The following NPAS3 variants were observed in gnomAD, a reference collection of about 807,000 sequenced individuals.
The protein encoded by NPAS3 is neuronal PAS domain protein 3.
A neutral mutation model predicts 73.1 loss-of-function variants in NPAS3; 14 were observed. That is an observed-to-expected ratio of 0.19 (90% CI 0.13 to 0.30). The LOEUF is 0.30. NPAS3 is among the 10% of genes least tolerant of loss of function. NPAS3 has a pLI of 1.00. For synonymous variants in NPAS3, 620 were observed against 541.5 expected (o/e 1.14, Z -2.01); for missense variants, 1,096 against 1,250.0 (o/e 0.88, Z 1.86).
At chr14:33,529,239 A>G (rs949498163) in intron 4 of NPAS3, among the ~76,000 whole-genome samples, 1 of 152,078 alleles carries the variant, frequency 6.6e-6, no homozygotes, top group African/African-American at 2.4e-5. Context: ...AGCTTAGTTT[A>G]CTCAAGGCAC....
intron 4 of NPAS3, among the ~76,000 whole-genome samples, chr14:33,464,160 G>T (rs2050401917): frequency 1.3e-5 from 2 of 152,118 alleles, no homozygotes; most frequent in African/African-American, 4.8e-5. Flanking sequence ...TGCAGTTATG[G>T]ATTTGCTTAA....
At chr14:33,218,573 T>C (rs181980974) in intron 3 of NPAS3, among the ~76,000 whole-genome samples, 1 of 152,324 alleles carries the variant, frequency 6.6e-6, no homozygotes, top group Non-Finnish European at 1.5e-5. Context: ...TGAAGTGCAG[T>C]TCATAATCCA....
At chr14:33,329,057 T>C (rs188587345) in intron 3 of NPAS3, among the ~76,000 whole-genome samples, 1 of 152,322 alleles carries the variant, frequency 6.6e-6, no homozygotes, top group Non-Finnish European at 1.5e-5. Flanking sequence ...GGACATTCCT[T>C]ATCACTCAGG....
At chr14:33,191,927 TA>T (rs2046184914) in intron 2 of NPAS3, among the ~76,000 whole-genome samples, 1 of 152,238 alleles carries the variant, frequency 6.6e-6, no homozygotes, top group South Asian at 2.1e-4. Flanking sequence ...CTTGAGATCA[TA>T]AAAAGTCCTT....
In NPAS3 at chr14:33,800,544, CGCT is replaced by C; in HGVS notation, c.2239_2241del (p.Leu747del). On this transcript the variant is annotated inframe_deletion, in exon 12 of 12. Coordinates refer to ENST00000356141, the Ensembl canonical transcript of NPAS3. The surrounding 1 kb of genome is among the most constrained non-coding windows in gnomAD (Gnocchi z 6.5). ...GCCCTGGCCCCCGTCGCCTCCGACC[CGCT>C]GTCACCCCCGCTCTCGGCGTCCCCG... is the stretch of plus-strand genomic sequence containing the variant. 1 of 1,354,082 alleles carries C rather than the reference CGCT, an allele frequency of 7.4e-7. No homozygotes were observed. The highest frequency in any genetic ancestry group is 9.4e-7 in the Non-Finnish European group (1 of 1,060,724). The allele number at this position is 1,354,082 out of a possible 1,614,324, so 83.9% of individuals were successfully genotyped here. A position where few individuals can be genotyped will look rare whatever the true frequency, so the allele number is the denominator to read the frequency against.
chr14:33,487,387 A>G (rs1282779163), intron 4 of NPAS3, among the ~76,000 whole-genome samples: 1 of 152,198 alleles, frequency 6.6e-6, no homozygotes, highest in Non-Finnish European at 1.5e-5. Context: ...TATATCACAT[A>G]AAATCAGAAA....
chr14:33,718,074 A>G (rs1283344673), intron 6 of NPAS3, among the ~76,000 whole-genome samples: 4 of 151,932 alleles, frequency 2.6e-5, no homozygotes, highest in Non-Finnish European at 5.9e-5. Context: ...GGGAAAACAC[A>G]GGTCTTTGGC....
intron 3 of NPAS3, among the ~76,000 whole-genome samples, chr14:33,246,711 G>C (rs1477603708): frequency 2.0e-5 from 3 of 148,832 alleles, no homozygotes; most frequent in African/African-American, 7.4e-5. Context: ...ATAGTAGGCA[G>C]GCCGGGCATG....
At chr14:33,354,059 A>G (rs535060885) in intron 3 of NPAS3, among the ~76,000 whole-genome samples, 3 of 152,190 alleles carry the variant, frequency 2.0e-5, no homozygotes, top group Admixed American at 6.5e-5. Flanking sequence ...CTTATTTCTC[A>G]GCTTTATCTA....
At chr14:33,056,331 G>A (rs868334778) in intron 2 of NPAS3, among the ~76,000 whole-genome samples, 1 of 152,122 alleles carries the variant, frequency 6.6e-6, no homozygotes, top group Non-Finnish European at 1.5e-5. Flanking sequence ...CATTGCACAG[G>A]TGCTACGCAT....
At chr14:33,345,202 A>G (rs1051485959) in intron 3 of NPAS3, among the ~76,000 whole-genome samples, 1 of 152,234 alleles carries the variant, frequency 6.6e-6, no homozygotes, top group Non-Finnish European at 1.5e-5. Context: ...TAAAATACAC[A>G]TAAACCTCAC....
chr14:33,584,270 G>A (rs1247536877), intron 5 of NPAS3, among the ~76,000 whole-genome samples: 1 of 152,040 alleles, frequency 6.6e-6, no homozygotes, highest in Non-Finnish European at 1.5e-5. Context: ...TTGATTGCCG[G>A]TATAATCCTA....
intron 4 of NPAS3, among the ~76,000 whole-genome samples, chr14:33,540,104 T>G (rs1234008183): frequency 6.6e-6 from 1 of 152,228 alleles, no homozygotes; most frequent in East Asian, 1.9e-4. Flanking sequence ...ATCCTTTGTG[T>G]CAATGTGAAC....
intron 4 of NPAS3, among the ~76,000 whole-genome samples, chr14:33,369,466 A>AAAAG (rs1219777650): frequency 6.6e-6 from 1 of 151,314 alleles, no homozygotes; most frequent in Non-Finnish European, 1.5e-5. Context: ...AATATGAGAA[A>AAAAG]AAAGATAAAT....
At chr14:32,999,857 A>G (rs185524589) in intron 1 of NPAS3, among the ~76,000 whole-genome samples, 1 of 152,176 alleles carries the variant, frequency 6.6e-6, no homozygotes, top group Admixed American at 6.5e-5. Flanking sequence ...ATAACTTAGG[A>G]TGTACAAGTG....
intron 5 of NPAS3, among the ~76,000 whole-genome samples, chr14:33,599,495 A>C (rs8004379): frequency 0.12 from 18,668 of 152,186 alleles, 1,380 homozygotes; most frequent in East Asian, 0.33. Context: ...CACCATAATA[A>C]ATATGGACTA....
intron 2 of NPAS3, among the ~76,000 whole-genome samples, chr14:33,150,514 A>T (rs1480554993): frequency 6.6e-6 from 1 of 152,246 alleles, no homozygotes; most frequent in African/African-American, 2.4e-5. Context: ...ATATTTTGAT[A>T]ATTCTACTGC....
chr14:33,122,987 A>G (rs1407874184), intron 2 of NPAS3, among the ~76,000 whole-genome samples: 2 of 152,118 alleles, frequency 1.3e-5, no homozygotes, highest in Non-Finnish European at 2.9e-5. Flanking sequence ...GTGCTTTAGG[A>G]GTATTATTTA....
intron 5 of NPAS3, among the ~76,000 whole-genome samples, chr14:33,571,348 T>A (rs1356988731): frequency 6.6e-6 from 1 of 152,148 alleles, no homozygotes; most frequent in Non-Finnish European, 1.5e-5. Context: ...CGCTGGACAT[T>A]TTTTCGTAAG....
Sources: allele counts gnomAD v4.1 joint callset (sites outside exome capture counted in the v4.1 genomes callset), GRCh38; gene constraint gnomAD v4.1.1; non-coding constraint Gnocchi (gnomAD v3.1); transcripts MANE v1.5; gene names NCBI Gene and HGNC (gene_info 2026-07-23, HGNC 2026-07-21).